Variants in COG6 observed in about 807,000 individuals in gnomAD.
COG6 encodes the protein conserved oligomeric Golgi complex subunit 6.
Under a neutral mutation model 88.8 loss-of-function variants are expected in COG6, and 74 were observed. That is an observed-to-expected ratio of 0.83 (90% CI 0.69 to 1.01). COG6 has a LOEUF of 1.01. COG6 is among the 50% of genes least tolerant of loss of function. COG6 has a pLI of 0.00. For synonymous variants in COG6, 286 were observed against 278.7 expected (o/e 1.03, Z -0.26); for missense variants, 800 against 797.9 (o/e 1.00, Z -0.03).
chr13:39,674,697 A>C (rs1180146608), intron 4 of COG6, among the ~76,000 whole-genome samples: 2 of 152,194 alleles, frequency 1.3e-5, no homozygotes, highest in Admixed American at 1.3e-4. Context: ...GCTTTAAATT[A>C]TGTACCATTT....
In COG6 at chr13:39,684,824, T is replaced by G. The variant is rs576270784; in HGVS notation, c.788+2560T>G. Among the ~76,000 whole-genome samples the G allele has an allele frequency of 2.6e-5, 4 of 152,292 alleles. No individual in the cohort carries two copies. In the South Asian group the frequency reaches 8.3e-4, roughly 32 times the overall value. On this transcript the variant is annotated intron_variant, in intron 8 of 18. Coordinates refer to ENST00000455146, the MANE Select transcript of COG6 (RefSeq NM_020751.3). Reference sequence around the variant, plus strand: ...ATGTAAGTATTATATACAAGAAAAATGTCAATTATTGAAATCCGTGGGGAA... The same window carrying G: ...ATGTAAGTATTATATACAAGAAAAAGGTCAATTATTGAAATCCGTGGGGAA...
chr13:39,683,166 A>G lies in COG6; in HGVS notation c.788+902A>G, dbSNP rs576578347. On this transcript the variant is annotated intron_variant, in intron 8 of 18. Coordinates refer to ENST00000455146, the MANE Select transcript of COG6 (RefSeq NM_020751.3). The stretch of plus-strand genomic sequence containing the variant: ...GCACCATTTTAAATTCTAGAAACAC[A>G]ACGTCAGTAAAGCACTGCCCTCAAA... Among the ~76,000 whole-genome samples the G allele has an allele frequency of 3.7e-4, 57 of 152,310 alleles. 1 individual carries two copies. In the South Asian group the frequency reaches 0.012, roughly 32 times the overall value.
At chr13:39,660,133 C>T (rs951502228) in intron 2 of COG6, among the ~76,000 whole-genome samples, 1 of 152,058 alleles carries the variant, frequency 6.6e-6, no homozygotes, top group African/African-American at 2.4e-5. Context: ...TTGTTTTTGA[C>T]ACCTTGGTAG....
chr13:39,777,840 A>G (rs1881510056), intron 18 of COG6, among the ~76,000 whole-genome samples: 1 of 152,226 alleles, frequency 6.6e-6, no homozygotes, highest in Non-Finnish European at 1.5e-5. Context: ...GGGTTATGTC[A>G]AATAATGGTT....
intron 18 of COG6, among the ~76,000 whole-genome samples, chr13:39,746,573 A>G (rs1318798632): frequency 6.6e-6 from 1 of 152,072 alleles, no homozygotes; most frequent in Non-Finnish European, 1.5e-5. Context: ...AATCCTTGAA[A>G]CTTTTACATT....
In COG6 at chr13:39,723,639, A is replaced by G. The variant is rs1174176635; in HGVS notation, c.1692+199A>G. On this transcript the variant is annotated intron_variant, in intron 16 of 18. Coordinates refer to ENST00000455146, the MANE Select transcript of COG6 (RefSeq NM_020751.3). The stretch of plus-strand genomic sequence containing the variant: ...TCTGTGTCATAGGATTGTTCTTAAG[A>G]CATAATACATGCATAGTTCTTAGAT... Among the ~76,000 whole-genome samples, 3 of 152,150 alleles carry G rather than the reference A, an allele frequency of 2.0e-5. No individual in the cohort carries two copies. The South Asian group carries it at 6.2e-4, about 32-fold the overall frequency.
At chr13:39,739,597 A>G (rs1879943796) in intron 18 of COG6, among the ~76,000 whole-genome samples, 1 of 152,136 alleles carries the variant, frequency 6.6e-6, no homozygotes, top group Non-Finnish European at 1.5e-5. Context: ...CAAAGCATAC[A>G]AAGAAAAATC....
chr13:39,673,858 T>A (rs1358303418), intron 4 of COG6, among the ~76,000 whole-genome samples: 1 of 152,038 alleles, frequency 6.6e-6, no homozygotes, highest in Non-Finnish European at 1.5e-5. Context: ...TTCATTTTCC[T>A]ATGATTTTTT....
chr13:39,785,799 C>T lies in COG6; in HGVS notation c.1827-2536C>T, dbSNP rs757901775. ...GTTTATCTTGTATTTAAACTAAATC[C>T]TTCAGATGAGAAATTGAAGCAGAAG... On this transcript the variant is annotated intron_variant, in intron 18 of 18. Coordinates refer to the COG6 transcript ENST00000416691. Among the ~76,000 whole-genome samples the T allele has an allele frequency of 5.1e-4, 77 of 152,096 alleles. 1 individual carries two copies. Among genetic ancestry groups the T allele is most frequent in the Non-Finnish European group, 1.0e-4 (7 of 68,012 alleles).
At chr13:39,679,315 T>G (rs1262469931) in intron 5 of COG6, 1 of 532,336 alleles carries the variant, frequency 1.9e-6, no homozygotes, top group African/African-American at 1.9e-5. Flanking sequence ...TCAACACTAT[T>G]TGGCACATAG....
intron 18 of COG6, among the ~76,000 whole-genome samples, chr13:39,728,127 AT>A (rs796806588): frequency 1.1e-3 from 160 of 151,518 alleles, no homozygotes; most frequent in African/African-American, 3.4e-3. Context: ...TTATCTACAC[AT>A]TTTTTTTTCT....
At chr13:39,743,543 G>A (rs554904819) in intron 18 of COG6, among the ~76,000 whole-genome samples, 2 of 152,218 alleles carry the variant, frequency 1.3e-5, no homozygotes, top group South Asian at 2.1e-4. Context: ...ACCCTCCCAA[G>A]ACTAAACCAA....
chr13:39,689,851 T>A, intron 11 of COG6, 27 bp downstream of exon 11: 1 of 1,395,444 alleles, frequency 7.2e-7, no homozygotes, highest in South Asian at 1.2e-5. Context: ...TTACATATGC[T>A]ATATGGTACC....
downstream of COG6, among the ~76,000 whole-genome samples, chr13:39,756,670 A>T (rs749594716): frequency 6.6e-6 from 1 of 152,128 alleles, no homozygotes; most frequent in Non-Finnish European, 1.5e-5. Flanking sequence ...CCATAAGATG[A>T]ATATCCTAAT....
chr13:39,712,959 A>C (rs1878321506), intron 13 of COG6, among the ~76,000 whole-genome samples: 1 of 152,250 alleles, frequency 6.6e-6, no homozygotes, highest in South Asian at 2.1e-4. Flanking sequence ...TCAAACATAC[A>C]GAATAAGAAA....
chr13:39,749,370 A>G (rs1880506114), intron 18 of COG6, among the ~76,000 whole-genome samples: 1 of 152,236 alleles, frequency 6.6e-6, no homozygotes, highest in Non-Finnish European at 1.5e-5. Flanking sequence ...TAGGACAGGT[A>G]AGACATGAAC....
Position 39,719,273 on chromosome 13 carries a change from C to A in COG6, c.1322C>A (p.Ala441Glu). Residue 441 changes from alanine to glutamate, a missense_variant, in exon 14 of 19, where the codon GCA (alanine) becomes GAA (glutamate). Physicochemically the swap from Ala to Glu is moderately radical, Grantham distance 107. Coordinates refer to ENST00000455146, the MANE Select transcript of COG6 (RefSeq NM_020751.3). Reference protein sequence around the residue: ...LPPPDLGPSSALNQTLMLLRE... With the variant: ...LPPPDLGPSSELNQTLMLLRE... ...CCACCTGATCTTGGACCAAGTTCTG[C>A]ACTAAATCAGACACTCATGTTGCTG... 6.2e-7 allele frequency: 1 copy of A among 1,612,782 alleles called. No individual in the cohort carries two copies. Among genetic ancestry groups the A allele is most frequent in the Non-Finnish European group, 8.5e-7 (1 of 1,179,108 alleles).
At position 39,660,044 on chromosome 13, in the gene COG6, A is replaced by G. The variant is rs537849142; in HGVS notation, c.297+537A>G. ...GTAATATTTTATTAGCTGTTTTAAT[A>G]CATTGTAATACTAATATATTTCTAT... is the stretch of plus-strand genomic sequence containing the variant. On this transcript the variant is annotated intron_variant, in intron 2 of 18. Coordinates refer to ENST00000455146, the MANE Select transcript of COG6 (RefSeq NM_020751.3). Among the ~76,000 whole-genome samples, 7 of 152,300 alleles carry G rather than the reference A, an allele frequency of 4.6e-5. No homozygotes were observed. In the South Asian group the frequency reaches 1.5e-3, roughly 32 times the overall value.
chr13:39,665,900 A>C (rs1875228479), intron 4 of COG6, among the ~76,000 whole-genome samples: 1 of 152,238 alleles, frequency 6.6e-6, no homozygotes, highest in South Asian at 2.1e-4. Context: ...ACAGGTTATC[A>C]AACTATGGCC....
Sources: gnomAD v4.1 joint callset for allele counts (sites outside exome capture counted in the v4.1 genomes callset) on GRCh38, gnomAD v4.1.1 for gene constraint, MANE v1.5 for transcripts, NCBI Gene and HGNC (gene_info 2026-07-23, HGNC 2026-07-21) for gene names.